CNTN5: variants seen among roughly 807,000 people sequenced by gnomAD.
The protein encoded by CNTN5 is contactin-5.
A neutral mutation model predicts 129.1 loss-of-function variants in CNTN5; 77 were observed. That is an observed-to-expected ratio of 0.60 (90% CI 0.50 to 0.72). CNTN5 has a LOEUF of 0.72. Among genes scored for constraint, CNTN5 ranks in the 30% least tolerant of loss-of-function variants. CNTN5 has a pLI of 0.00. For synonymous variants in CNTN5, 509 were observed against 465.6 expected, an observed-to-expected ratio of 1.09 and a Z score of -1.20; for missense variants, 1,478 against 1,328.8, an observed-to-expected ratio of 1.11 and a Z score of -1.75.
Position 100,299,258 on chromosome 11 carries a change from T to A in CNTN5, c.2482T>A (p.Ser828Thr). The A allele has an allele frequency of 6.2e-7, 1 of 1,610,624 alleles. No homozygotes were observed. Among genetic ancestry groups the A allele is most frequent in the Non-Finnish European group, 8.5e-7 (1 of 1,177,750 alleles). Reference sequence around the variant, plus strand: ...TGGCTGGAAGGAAAAAATGGTGACATCCTCTGAAGCTTCCAAATTCATTTA... The same window carrying A: ...TGGCTGGAAGGAAAAAATGGTGACAACCTCTGAAGCTTCCAAATTCATTTA... ...TRGWKEKMVT[S>T]SEASKFIYRD... is the part of the protein sequence containing the mutation. The change falls in exon 20 of 25, where the codon TCC (serine) becomes ACC (threonine). Residue 828 changes from serine to threonine, a missense_variant. Transcript: ENST00000524871.
At chr11:100,006,782 G>A (rs1008212515) in intron 9 of CNTN5, among the ~76,000 whole-genome samples, 7 of 151,976 alleles carry the variant, frequency 4.6e-5, no homozygotes, top group African/African-American at 1.5e-4. Flanking sequence ...ATAGAATGGC[G>A]AATCCTCTCT....
chr11:99,288,956 C>T (rs1864056223), intron 1 of CNTN5, among the ~76,000 whole-genome samples: 1 of 151,686 alleles, frequency 6.6e-6, no homozygotes, highest in Non-Finnish European at 1.5e-5. Flanking sequence ...TATTTGGTTC[C>T]TAGATCCTCA....
intron 1 of CNTN5, among the ~76,000 whole-genome samples, chr11:99,258,066 G>C (rs867368917): frequency 6.6e-6 from 1 of 151,964 alleles, no homozygotes; most frequent in South Asian, 2.1e-4. Flanking sequence ...TGAAATTCTC[G>C]CGGAGTTTTG....
intron 6 of CNTN5, among the ~76,000 whole-genome samples, chr11:99,865,123 T>A (rs1448927021): frequency 6.6e-6 from 1 of 152,186 alleles, no homozygotes; most frequent in African/African-American, 2.4e-5. Context: ...TTGTATTCAT[T>A]CAAGGTTTGC....
intron 3 of CNTN5, among the ~76,000 whole-genome samples, chr11:99,787,324 G>T (rs1945567825): frequency 6.6e-6 from 1 of 151,432 alleles, no homozygotes; most frequent in African/African-American, 2.4e-5. Context: ...AAGAGACAGT[G>T]ATCATGAAAT....
chr11:100,302,924 G>C (rs1228030708), intron 20 of CNTN5, among the ~76,000 whole-genome samples: 1 of 151,564 alleles, frequency 6.6e-6, no homozygotes, highest in Non-Finnish European at 1.5e-5. Context: ...GTTGATGCTT[G>C]ATCAATAAAT....
At chr11:99,542,645 A>G (rs908072153) in intron 2 of CNTN5, among the ~76,000 whole-genome samples, 1 of 152,154 alleles carries the variant, frequency 6.6e-6, no homozygotes. Context: ...ATCTCCAAAT[A>G]TTGCTAAATG....
intron 1 of CNTN5, among the ~76,000 whole-genome samples, chr11:99,062,245 T>G (rs895566032): frequency 1.3e-5 from 2 of 152,134 alleles, no homozygotes; most frequent in Non-Finnish European, 2.9e-5. Context: ...CAAGCAATGT[T>G]GGAGCACAAC....
intron 1 of CNTN5, among the ~76,000 whole-genome samples, chr11:99,286,230 C>A (rs1014567466): frequency 3.3e-5 from 5 of 152,046 alleles, no homozygotes; most frequent in Non-Finnish European, 5.9e-5. Flanking sequence ...AGTTATCATC[C>A]CCTAAATATG....
At chr11:99,623,076 A>G (rs2135771316) in intron 3 of CNTN5, among the ~76,000 whole-genome samples, 1 of 152,170 alleles carries the variant, frequency 6.6e-6, no homozygotes, top group South Asian at 2.1e-4. Flanking sequence ...TTTTTTTAAG[A>G]TTCATTTCAA....
chr11:99,851,862 C>T (rs927732634), intron 6 of CNTN5, among the ~76,000 whole-genome samples: 1 of 152,082 alleles, frequency 6.6e-6, no homozygotes, highest in African/African-American at 2.4e-5. Flanking sequence ...ACTTCTCTGG[C>T]TTTTTTCATA....
chr11:100,300,254 C>A (rs1287925555), intron 20 of CNTN5, among the ~76,000 whole-genome samples: 4 of 151,402 alleles, frequency 2.6e-5, no homozygotes, highest in African/African-American at 9.7e-5. Context: ...ATGCAATTTT[C>A]TGGGTGAAAG....
intron 3 of CNTN5, among the ~76,000 whole-genome samples, chr11:99,630,268 A>G (rs1487002316): frequency 6.6e-6 from 1 of 150,816 alleles, no homozygotes; most frequent in South Asian, 2.1e-4. Flanking sequence ...ATATATATAT[A>G]TGTATATACA....
At chr11:99,645,709 A>C (rs1046443244) in intron 3 of CNTN5, among the ~76,000 whole-genome samples, 1 of 152,154 alleles carries the variant, frequency 6.6e-6, no homozygotes, top group South Asian at 2.1e-4. Flanking sequence ...CAGAAAACCA[A>C]ACACCACATG....
chr11:100,194,261 CT>C (rs1422926426), intron 15 of CNTN5, among the ~76,000 whole-genome samples: 1 of 151,856 alleles, frequency 6.6e-6, no homozygotes. Flanking sequence ...CATCACAGTG[CT>C]TTAACTCTAG....
chr11:99,467,463 T>C (rs918755872), intron 2 of CNTN5, among the ~76,000 whole-genome samples: 12 of 152,190 alleles, frequency 7.9e-5, no homozygotes, highest in African/African-American at 2.9e-4. Flanking sequence ...TTTTGTTTAA[T>C]CACTAATTTG....
chr11:99,371,673 C>T (rs1485246110), intron 2 of CNTN5, among the ~76,000 whole-genome samples: 1 of 152,096 alleles, frequency 6.6e-6, no homozygotes, highest in Admixed American at 6.5e-5. Flanking sequence ...CTGTCAGTGT[C>T]AGACTTTTTC....
chr11:99,715,213 A>T (rs1358771990), intron 3 of CNTN5, among the ~76,000 whole-genome samples: 1 of 152,020 alleles, frequency 6.6e-6, no homozygotes, highest in African/African-American at 2.4e-5. Flanking sequence ...AGTGAAATAG[A>T]ATAACTCTTG....
intron 1 of CNTN5, among the ~76,000 whole-genome samples, chr11:99,311,245 G>A (rs954875107): frequency 9.2e-5 from 14 of 152,150 alleles, no homozygotes; most frequent in Admixed American, 9.2e-4. Context: ...TTTTAAGTAG[G>A]AACACCATCT....
Sources: allele counts gnomAD v4.1 joint callset (sites outside exome capture counted in the v4.1 genomes callset), GRCh38; gene constraint gnomAD v4.1.1; transcripts MANE v1.5; gene names NCBI Gene and HGNC (gene_info 2026-07-23, HGNC 2026-07-21).